Variants in HDX observed in about 807,000 individuals in gnomAD.
The protein encoded by HDX is highly divergent homeobox.
In HDX, 19 loss-of-function variants were observed where a neutral mutation model predicts 45.2. The ratio of observed to expected loss-of-function variants is 0.42; its 90% CI spans 0.29 to 0.62. The LOEUF is 0.62. Ranked by LOEUF, HDX falls within the 20% of genes least tolerant of loss-of-function variation. The probability of loss-of-function intolerance (pLI) is 0.20; values close to 1 mark genes in which losing one functional copy is unlikely to be tolerated. For missense variants in HDX, 532 were observed against 493.9 expected, an observed-to-expected ratio of 1.08 and a Z score of -0.73; for synonymous variants, 188 against 172.8, an observed-to-expected ratio of 1.09 and a Z score of -0.69.
intron 5 of HDX, among the ~76,000 whole-genome samples, chrX:84,383,893 A>G (rs751007945): frequency 9.0e-6 from 1 of 111,452 alleles, no homozygotes; most frequent in South Asian, 3.8e-4. Context: ...GTTCCCTTTT[A>G]TGCCTCCATA....
At chrX:84,383,493 C>T (rs1312909398) in intron 5 of HDX, among the ~76,000 whole-genome samples, 1 of 111,230 alleles carries the variant, frequency 9.0e-6, no homozygotes, top group African/African-American at 3.3e-5. Flanking sequence ...GGAATTTCCA[C>T]GGTTATATTC....
At chrX:84,452,099 C>T (rs1159753841) in intron 4 of HDX, among the ~76,000 whole-genome samples, 1 of 111,139 alleles carries the variant, frequency 9.0e-6, no homozygotes, top group African/African-American at 3.3e-5. Flanking sequence ...TTTCTGGGAA[C>T]TGGAAGAAGA....
intron 1 of HDX, among the ~76,000 whole-genome samples, chrX:84,496,582 G>A (rs2041005622): frequency 9.0e-6 from 1 of 110,721 alleles, no homozygotes; most frequent in South Asian, 3.8e-4. Context: ...AATTCAAAAT[G>A]TTTCTCTCTG....
Position 84,344,392 on chromosome X carries a change from T to C in HDX, c.1518A>G (p.Gly506=), listed in dbSNP as rs372171012. 4.9e-5 allele frequency: 59 copies of C among 1,204,308 alleles called. No homozygotes were observed. The highest frequency in any genetic ancestry group is 6.4e-5 in the Non-Finnish European group (57 of 890,762). ...GCTGCTCAGAGAAATCAGCAGGGCC[T>C]CCTCTTGGAGGTGGAACTTCAATCC... ...LMGIEVPPPR[G]GPADFSEQPE... Residue 506 remains glycine, a synonymous_variant, in exon 7 of 11, where the codon GGA becomes GGG. Coordinates refer to ENST00000373177, the MANE Select transcript of HDX (RefSeq NM_001177479.2).
chrX:84,427,734 G>A (rs753731541), intron 5 of HDX, among the ~76,000 whole-genome samples: 3 of 110,889 alleles, frequency 2.7e-5, no homozygotes, highest in Admixed American at 9.6e-5. Context: ...CCAGGTTTTG[G>A]TTATTATAAA....
chrX:84,396,847 G>T (rs918078985), intron 5 of HDX, among the ~76,000 whole-genome samples: 9 of 111,140 alleles, frequency 8.1e-5, no homozygotes, highest in Non-Finnish European at 1.7e-4. Flanking sequence ...GCATGAGGGG[G>T]TGAAGCTGGA....
At chrX:84,359,382 C>G (rs1232154660) in intron 6 of HDX, among the ~76,000 whole-genome samples, 1 of 109,326 alleles carries the variant, frequency 9.1e-6, no homozygotes, top group African/African-American at 3.3e-5. Flanking sequence ...GTGTTGTTCC[C>G]CTCCTTGTGT....
intron 5 of HDX, among the ~76,000 whole-genome samples, chrX:84,403,643 A>G (rs2038754431): frequency 8.9e-6 from 1 of 111,964 alleles, no homozygotes; most frequent in Non-Finnish European, 1.9e-5. Flanking sequence ...TACAAATTAT[A>G]GATTTGTTAA....
At position 84,326,320 on chromosome X, in the gene HDX, A is replaced by C; in HGVS notation, c.1825-20T>G. 2 of 1,145,177 alleles carry C rather than the reference A, an allele frequency of 1.7e-6. No homozygotes were observed. Among genetic ancestry groups the C allele is most frequent in the Non-Finnish European group, 2.4e-6 (2 of 836,625 alleles). The allele number at this position is 1,145,177 out of a possible 1,213,427, so 94.4% of individuals were successfully genotyped here. ...TTCATTCTGAAAGAGAAAATACCAAATGATACAATTACCTTATGTAAACCC... is the reference window on the plus strand; with the variant it reads ...TTCATTCTGAAAGAGAAAATACCAACTGATACAATTACCTTATGTAAACCC... On this transcript the variant is annotated intron_variant, in intron 9 of 10. Coordinates refer to ENST00000373177, the MANE Select transcript of HDX (RefSeq NM_001177479.2).
chrX:84,389,783 C>T (rs2038400393), intron 5 of HDX, among the ~76,000 whole-genome samples: 1 of 110,713 alleles, frequency 9.0e-6, no homozygotes, highest in African/African-American at 3.3e-5. Flanking sequence ...CCGGAGCTGC[C>T]CAGTGCACAA....
intron 4 of HDX, among the ~76,000 whole-genome samples, chrX:84,468,205 A>G (rs1448220255): frequency 3.6e-5 from 4 of 111,938 alleles, no homozygotes; most frequent in Non-Finnish European, 1.9e-5. Flanking sequence ...CTACCCATTA[A>G]GCTCTCATTT....
Position 84,354,636 on chromosome X carries a change from A to G in HDX, c.1452+6830T>C, listed in dbSNP as rs1294488230. ...AAACAAATATAAATTATAAAATTTG[A>G]CCAAGTGTTATGGATAAAAAGAACA... On this transcript the variant is annotated intron_variant, in intron 6 of 10. Transcript: ENST00000373177. Among the ~76,000 whole-genome samples, 3 of 109,911 alleles carry G rather than the reference A, an allele frequency of 2.7e-5. No homozygotes were observed. In the East Asian group the frequency reaches 8.6e-4, roughly 31 times the overall value.
In HDX at chrX:84,333,824, C is replaced by G; in HGVS notation, c.1759G>C (p.Asp587His). The G allele has an allele frequency of 1.1e-6, 1 of 938,277 alleles. No homozygotes were observed. Among genetic ancestry groups the G allele is most frequent in the Non-Finnish European group, 1.5e-6 (1 of 660,609 alleles). The allele number at this position is 938,277 out of a possible 1,213,427, so 77.3% of individuals were successfully genotyped here. The change falls in exon 9 of 11, where the codon GAT (aspartate) becomes CAT (histidine). Residue 587 changes from aspartate (D) to histidine (H), a missense_variant. Physicochemically the swap from Asp to His is moderately conservative, Grantham distance 81. Transcript: ENST00000373177. ...TTACTTATCATGTCACTTTCTTCAT[C>G]ATCAATAATTTCTATTTTCTGTAAC... is the stretch of plus-strand genomic sequence containing the variant. ...TDNVKIEIID[D>H]EESDMISNSE...
At chrX:84,422,258 T>C (rs2039273436) in intron 5 of HDX, among the ~76,000 whole-genome samples, 1 of 111,934 alleles carries the variant, frequency 8.9e-6, no homozygotes, top group African/African-American at 3.2e-5. Flanking sequence ...AATTAAACAA[T>C]ATGTTCCTGA....
intron 2 of HDX, among the ~76,000 whole-genome samples, chrX:84,487,772 G>T (rs1489912171): frequency 8.9e-6 from 1 of 112,058 alleles, no homozygotes; most frequent in African/African-American, 3.2e-5. Context: ...AGAAATATAG[G>T]GTTTCCCTTA....
chrX:84,343,422 A>G (rs1466023516), intron 7 of HDX, among the ~76,000 whole-genome samples: 1 of 110,491 alleles, frequency 9.1e-6, no homozygotes, highest in Admixed American at 9.7e-5. Context: ...AACAACAACA[A>G]CAAATCAACA....
At chrX:84,499,979 G>A (rs1286580790) in intron 1 of HDX, 1 of 112,141 alleles carries the variant, frequency 8.9e-6, no homozygotes, top group Non-Finnish European at 1.9e-5. Context: ...AGTAATTTGT[G>A]TATTTTTAAA....
Position 84,482,493 on chromosome X carries a change from C to A in HDX, c.-1+5531G>T, listed in dbSNP as rs181783618. ...AGGAAGGAGAATAATGATAGCCAAGCAAAGTGGAAGCCCCTTATAAAACCA... is the reference window on the plus strand; with the variant it reads ...AGGAAGGAGAATAATGATAGCCAAGAAAAGTGGAAGCCCCTTATAAAACCA... On this transcript the variant is annotated intron_variant, in intron 2 of 10. Transcript: ENST00000373177. Among the ~76,000 whole-genome samples, 334 of 111,450 alleles carry A rather than the reference C, an allele frequency of 3.0e-3. 1 individual carries two copies. The highest frequency in any genetic ancestry group is 0.011 in the African/African-American group (329 of 30,669).
At chrX:84,403,865 A>T (rs1387893713) in intron 5 of HDX, 1 of 111,796 alleles carries the variant, frequency 8.9e-6, no homozygotes, top group East Asian at 2.8e-4. Flanking sequence ...AAGAAGATAA[A>T]CATGTTCTAC....
Sources: gnomAD v4.1 joint callset for allele counts (sites outside exome capture counted in the v4.1 genomes callset) on GRCh38, gnomAD v4.1.1 for gene constraint, MANE v1.5 for transcripts, NCBI Gene and HGNC (gene_info 2026-07-23, HGNC 2026-07-21) for gene names.